ERC1: variants seen among roughly 807,000 people sequenced by gnomAD.
ERC1 encodes the protein RAB6 interacting protein 2.
Under a neutral mutation model 132.0 loss-of-function variants are expected in ERC1, and 56 were observed. That is an observed-to-expected ratio of 0.42 (90% CI 0.34 to 0.53). The LOEUF is 0.53. ERC1 is among the 20% of genes least tolerant of loss of function. The pLI is 0.03. For missense variants in ERC1, 1,202 were observed against 1,349.9 expected (o/e 0.89, Z 1.72); for synonymous variants, 478 against 476.1 (o/e 1.00, Z -0.05).
rs144576660 is a variant in ERC1, at chr12:1,460,748, G to A, written c.3213+15998G>A. On this transcript the variant is annotated intron_variant, in intron 18 of 18. Transcript: ENST00000360905. ...TGGTGGTGTTTTTCTAACCCTGATT[G>A]TCTATTATCTAGTATAACAGGGATG... is the stretch of plus-strand genomic sequence containing the variant. Among the ~76,000 whole-genome samples the A allele has an allele frequency of 4.6e-3, 689 of 151,372 alleles. 7 individuals are homozygous for A. Among genetic ancestry groups the A allele is most frequent in the African/African-American group, 0.016 (648 of 41,182 alleles).
intron 3 of ERC1, among the ~76,000 whole-genome samples, chr12:1,093,979 A>ATTTTTTTC (rs1565949554): frequency 3.4e-4 from 43 of 127,668 alleles, no homozygotes; most frequent in African/African-American, 1.1e-3. Flanking sequence ...ATATATATAT[A>ATTTTTTTC]TATATAGAAA....
intron 13 of ERC1, among the ~76,000 whole-genome samples, chr12:1,248,926 A>AG (rs371693982): frequency 7.5e-4 from 114 of 152,318 alleles, no homozygotes; most frequent in African/African-American, 2.5e-3. Flanking sequence ...TCTGTCACTC[A>AG]GGCTGCAGTG....
chr12:1,352,770 C>T (rs1225123873), intron 15 of ERC1, among the ~76,000 whole-genome samples: 1 of 152,190 alleles, frequency 6.6e-6, no homozygotes, highest in Non-Finnish European at 1.5e-5. Flanking sequence ...GAGACTGTAG[C>T]ACTTGTTTTA....
chr12:1,035,893 G>A (rs1968972601), intron 2 of ERC1, among the ~76,000 whole-genome samples: 1 of 151,676 alleles, frequency 6.6e-6, no homozygotes, highest in South Asian at 2.1e-4. Context: ...CTGCACTCCA[G>A]CCTGGGAGAC....
chr12:1,081,958 GTTAATA>G (rs72375932), intron 2 of ERC1, among the ~76,000 whole-genome samples: 28,653 of 151,912 alleles, frequency 0.19, 3,395 homozygotes, highest in Non-Finnish European at 0.25. Flanking sequence ...CTTGTTAAAT[GTTAATA>G]TTTATTATTT....
chr12:1,330,480 G>A (rs372161021), intron 15 of ERC1, among the ~76,000 whole-genome samples: 1 of 151,418 alleles, frequency 6.6e-6, no homozygotes, highest in African/African-American at 2.4e-5. Context: ...AATCCTCTTC[G>A]TTACCTTTGT....
rs1219991623 is a variant in ERC1, at chr12:1,293,143, CA to C, written c.2780+3148del. On this transcript the variant is annotated intron_variant, in intron 15 of 18. Coordinates refer to ENST00000360905, the MANE Select transcript of ERC1 (RefSeq NM_178040.4). ...TGGGTGACAGAGCAAGACTCCATCT[CA>C]AAAAAAAAAAAAAAAATTAACCAGG... Among the ~76,000 whole-genome samples, 822 of 95,168 alleles carry C rather than the reference CA, an allele frequency of 8.6e-3. 10 individuals carry two copies. Among genetic ancestry groups the C allele is most frequent in the African/African-American group, 0.022 (553 of 25,368 alleles). The allele number at this position is 95,168 out of a possible 152,430, so 62.4% of individuals were successfully genotyped here.
chr12:1,205,426 T>C (rs1034928402), intron 12 of ERC1, among the ~76,000 whole-genome samples: 1 of 151,252 alleles, frequency 6.6e-6, no homozygotes, highest in Non-Finnish European at 1.5e-5. Flanking sequence ...TATATATATA[T>C]ATAGATATAT....
intron 2 of ERC1, among the ~76,000 whole-genome samples, chr12:1,067,146 C>T (rs897939845): frequency 2.0e-5 from 3 of 151,960 alleles, no homozygotes; most frequent in Non-Finnish European, 4.4e-5. Flanking sequence ...GCTCTATGGA[C>T]GATGTTAGAT....
intron 18 of ERC1, among the ~76,000 whole-genome samples, chr12:1,470,916 T>A (rs2093847486): frequency 6.6e-6 from 1 of 152,246 alleles, no homozygotes; most frequent in South Asian, 2.1e-4. Flanking sequence ...CACGTCACAG[T>A]TCCTTTGGTG....
intron 2 of ERC1, among the ~76,000 whole-genome samples, chr12:1,070,052 TGA>T (rs147072663): frequency 1.5e-4 from 23 of 149,424 alleles, no homozygotes; most frequent in Admixed American, 2.0e-4. Flanking sequence ...TAAGCAACAG[TGA>T]GAGAGAGAGA....
At chr12:1,410,802 A>G (rs1330671946) in intron 17 of ERC1, among the ~76,000 whole-genome samples, 2 of 151,992 alleles carry the variant, frequency 1.3e-5, no homozygotes, top group South Asian at 2.1e-4. Flanking sequence ...GGCAAGGTTT[A>G]TAGTAATTTT....
chr12:1,244,462 G>A, intron 13 of ERC1: 1 of 432,506 alleles, frequency 2.3e-6, no homozygotes, highest in Non-Finnish European at 4.6e-6. Context: ...AATAATTCTA[G>A]TATTAAAATA....
At chr12:1,221,126 A>G (rs1217341738) in intron 12 of ERC1, among the ~76,000 whole-genome samples, 1 of 152,224 alleles carries the variant, frequency 6.6e-6, no homozygotes, top group East Asian at 1.9e-4. Context: ...GTGGACAGTA[A>G]ACTCAGTGAG....
At chr12:998,782 C>T (rs1449913613) in intron 1 of ERC1, among the ~76,000 whole-genome samples, 3 of 151,808 alleles carry the variant, frequency 2.0e-5, no homozygotes, top group African/African-American at 7.3e-5. Context: ...TTGTAAAGCT[C>T]TCTCTTCTCT....
intron 8 of ERC1, among the ~76,000 whole-genome samples, chr12:1,167,171 T>A (rs1236097921): frequency 6.6e-6 from 1 of 152,212 alleles, no homozygotes; most frequent in Non-Finnish European, 1.5e-5. Context: ...CAAAGATTGT[T>A]CTTAGTTGTT....
chr12:997,769 C>T (rs777160001), intron 1 of ERC1, among the ~76,000 whole-genome samples: 4 of 152,072 alleles, frequency 2.6e-5, no homozygotes, highest in Non-Finnish European at 4.4e-5. Context: ...AAGGTACCAG[C>T]CTCATTTCCC....
intron 15 of ERC1, among the ~76,000 whole-genome samples, chr12:1,363,358 A>G (rs554576404): frequency 6.6e-6 from 1 of 152,234 alleles, no homozygotes; most frequent in East Asian, 1.9e-4. Context: ...GGTGAAGGAA[A>G]AAACTGAACG....
In ERC1 at chr12:1,491,479, G is replaced by T. The variant is rs560907975; in HGVS notation, c.*1249G>T. On this transcript the variant is annotated 3_prime_UTR_variant, in exon 19 of 19. Coordinates refer to ENST00000360905, the MANE Select transcript of ERC1 (RefSeq NM_178040.4). ...GGCCACTTCTCAGTGAGGGAGAGAT[G>T]TAGTGGATTCTGTGAGACATACCTG... The T allele has an allele frequency of 2.7e-4, 63 of 230,486 alleles. No individual in the cohort carries two copies. Among genetic ancestry groups the T allele is most frequent in the African/African-American group, 1.3e-3 (58 of 45,304 alleles). The allele number at this position is 230,486 out of a possible 1,614,324, so 14.3% of individuals were successfully genotyped here. A position where few individuals can be genotyped will look rare whatever the true frequency, so the allele number is the denominator to read the frequency against.
Sources: allele counts gnomAD v4.1 joint callset (sites outside exome capture counted in the v4.1 genomes callset), GRCh38; gene constraint gnomAD v4.1.1; transcripts MANE v1.5; gene names NCBI Gene and HGNC (gene_info 2026-07-23, HGNC 2026-07-21).